The following CELF2 variants were observed in gnomAD, a reference collection of about 807,000 sequenced individuals.
CELF2 encodes CUGBP Elav-like family member 2.
A neutral mutation model predicts 62.6 loss-of-function variants in CELF2; 8 were observed. That is an observed-to-expected ratio of 0.13 (90% CI 0.07 to 0.23). CELF2 has a LOEUF of 0.23. CELF2 is among the 10% of genes least tolerant of loss of function. The pLI is 1.00. For synonymous variants in CELF2, 258 were observed against 250.0 expected (o/e 1.03, Z -0.30); for missense variants, 333 against 671.0 (o/e 0.50, Z 5.56).
the CELF2 span, among the ~76,000 whole-genome samples, chr10:10,650,623 G>A: frequency 6.6e-6 from 1 of 152,186 alleles, no homozygotes; most frequent in African/African-American, 2.4e-5. Flanking sequence ...GCACTGCAAT[G>A]AGATACAACT....
the CELF2 span, among the ~76,000 whole-genome samples, chr10:10,718,039 C>T: frequency 3.9e-5 from 6 of 152,128 alleles, no homozygotes; most frequent in Non-Finnish European, 8.8e-5. Context: ...TATATAACTT[C>T]GTCTTTGGTG....
At chr10:10,630,142 T>A in the CELF2 span, among the ~76,000 whole-genome samples, 1 of 152,300 alleles carries the variant, frequency 6.6e-6, no homozygotes, top group African/African-American at 2.4e-5. Flanking sequence ...TGCAATAATT[T>A]TCCTTTAACA....
At chr10:11,043,314 C>T (rs2062178122) in intron 1 of CELF2, among the ~76,000 whole-genome samples, 1 of 152,206 alleles carries the variant, frequency 6.6e-6, no homozygotes, top group Non-Finnish European at 1.5e-5. Flanking sequence ...CGTCACCATT[C>T]ACTGCAACAT....
the CELF2 span, among the ~76,000 whole-genome samples, chr10:10,525,396 T>C: frequency 6.6e-6 from 1 of 152,084 alleles, no homozygotes; most frequent in South Asian, 2.1e-4. Context: ...TCAGGTATAG[T>C]CAGTGTATTT....
In CELF2 at chr10:11,257,934, C is replaced by T. The variant is rs575044043; in HGVS notation, c.538+62C>T. The stretch of plus-strand genomic sequence containing the variant: ...GCTAATTGGAGCTCTGTGTCACAGT[C>T]GAGACAGATGTAGGCACCGCACACG... On this transcript the variant is annotated intron_variant, in intron 5 of 12. Coordinates refer to ENST00000633077, the MANE Select transcript of CELF2 (RefSeq NM_001326342.2). 1.2e-5 allele frequency: 19 copies of T among 1,591,732 alleles called. No homozygotes were observed. In the Admixed American group the frequency reaches 1.9e-4, roughly 16 times the overall value.
chr10:10,468,235 T>C, the CELF2 span, among the ~76,000 whole-genome samples: 1 of 151,994 alleles, frequency 6.6e-6, no homozygotes, highest in Non-Finnish European at 1.5e-5. Context: ...AATAAACAGA[T>C]ACTATCTTTC....
At chr10:10,978,041 G>GT (rs71511370) in intron 2 of CELF2, among the ~76,000 whole-genome samples, 38 of 144,050 alleles carry the variant, frequency 2.6e-4, no homozygotes, top group East Asian at 6.0e-4. Flanking sequence ...TTTGTTTTTT[G>GT]TTTTTTTTTT....
intron 5 of CELF2, among the ~76,000 whole-genome samples, chr10:11,264,552 G>C (rs969435444): frequency 2.0e-5 from 3 of 152,252 alleles, no homozygotes; most frequent in African/African-American, 7.2e-5. Flanking sequence ...AAGATAAGAA[G>C]TGGAAAAATA....
rs988714666 is a variant in CELF2 at position 10,934,634 on chromosome 10, C to T, written c.89+14635C>T. On this transcript the variant is annotated intron_variant, in intron 2 of 13. Coordinates refer to the CELF2 transcript ENST00000636488. This position sits in a 1 kb window ranked among gnomAD's most constrained non-coding sequence, Gnocchi z 4.4. ...TTTAGGAATGTCCTAGTATCATGAA[C>T]AAAAACTAGGGATGTCTGGAGGAAG... is the stretch of plus-strand genomic sequence containing the variant. 1 of 152,148 alleles carries T rather than the reference C, an allele frequency of 6.6e-6. No individual in the cohort carries two copies. 9.4% of individuals were successfully genotyped at this position (152,148 alleles called of 1,614,324 possible).
the CELF2 span, among the ~76,000 whole-genome samples, chr10:10,466,769 G>A: frequency 5.9e-5 from 9 of 152,090 alleles, no homozygotes; most frequent in Non-Finnish European, 1.2e-4. Flanking sequence ...GTATTAACTC[G>A]CTGTGGTTTT....
chr10:10,650,284 T>C, the CELF2 span, among the ~76,000 whole-genome samples: 1 of 152,222 alleles, frequency 6.6e-6, no homozygotes, highest in Admixed American at 6.5e-5. Context: ...GCATGCAAAG[T>C]GTAAGACATC....
the CELF2 span, chr10:10,789,052 T>TTGTC: frequency 6.6e-6 from 1 of 152,096 alleles, no homozygotes; most frequent in East Asian, 1.9e-4. Context: ...AATACGGGTG[T>TTGTC]TGTCGGGAGG....
Position 10,990,683 on chromosome 10 carries a change from GAT to G in CELF2, c.89+70686_89+70687del, listed in dbSNP as rs2053326973. On this transcript the variant is annotated intron_variant, in intron 2 of 13. Coordinates refer to the CELF2 transcript ENST00000636488. This position sits in a 1 kb window ranked among gnomAD's most constrained non-coding sequence, Gnocchi z 4.6. ...AAGATGCTAAATAAAGGCTAAAAAA[GAT>G]AATGATCTTCCAGAGATTTGTAGAT... 6.6e-6 allele frequency among the ~76,000 whole-genome samples: 1 copy of G among 152,230 alleles called. No individual in the cohort carries two copies. Among genetic ancestry groups the G allele is most frequent in the South Asian group, 2.1e-4 (1 of 4,822 alleles).
At chr10:10,898,272 T>A (rs2062702027) in intron 1 of CELF2, among the ~76,000 whole-genome samples, 1 of 151,956 alleles carries the variant, frequency 6.6e-6, no homozygotes, top group South Asian at 2.1e-4. Flanking sequence ...TTTATGTGAA[T>A]TATATGATGC....
chr10:11,263,031 C>G (rs2081189020), intron 5 of CELF2, among the ~76,000 whole-genome samples: 1 of 133,594 alleles, frequency 7.5e-6, no homozygotes, highest in Non-Finnish European at 1.5e-5. Context: ...GGTGGAACAC[C>G]TGAGTTAAGA....
chr10:11,018,003 C>T lies in CELF2; in HGVS notation c.-87C>T. On this transcript the variant is annotated 5_prime_UTR_variant, in exon 1 of 13. Coordinates refer to ENST00000633077, the MANE Select transcript of CELF2 (RefSeq NM_001326342.2). ...GGCCGCCGGGGGAGGCCGCGCGCAC[C>T]TGTCCCTGCCCGTCTCGCGCCGCCC... 1 of 1,026,536 alleles carries T rather than the reference C, an allele frequency of 9.7e-7. No individual in the cohort carries two copies. Among genetic ancestry groups the T allele is most frequent in the South Asian group, 4.4e-5 (1 of 22,704 alleles). The allele number at this position is 1,026,536 out of a possible 1,614,324, so 63.6% of individuals were successfully genotyped here.
At position 11,202,951 on chromosome 10, in the gene CELF2, C is replaced by CTGTGTG. The variant is rs3055302; in HGVS notation, c.272-14458_272-14453dup. ...TCTCTCTCTCTCTCTCTCTCTCTCT[C>CTGTGTG]TGTGTGTGTGTGTGTGTGTGTAATC... is the stretch of plus-strand genomic sequence containing the variant. On this transcript the variant is annotated intron_variant, in intron 2 of 12. Transcript: ENST00000633077. 1.3e-4 allele frequency among the ~76,000 whole-genome samples: 7 copies of CTGTGTG among 53,882 alleles called. No homozygotes were observed. In the East Asian group the frequency reaches 1.5e-3, roughly 11 times the overall value. The allele number at this position is 53,882 out of a possible 152,430, so 35.3% of individuals were successfully genotyped here.
intron 2 of CELF2, among the ~76,000 whole-genome samples, chr10:10,939,159 TAACCCCATCACCTAGGCTGTAGTGC>T (rs1334743658): frequency 3.3e-4 from 40 of 122,612 alleles, no homozygotes; most frequent in Middle Eastern, 4.1e-3. Flanking sequence ...GCCGCTATTG[TAACCCCATCACCTAGGCTGTAGTGC>T]TTGATAATTA....
Position 10,974,650 on chromosome 10 carries a change from C to T in CELF2, c.89+54651C>T, listed in dbSNP as rs201087. Among the ~76,000 whole-genome samples the T allele has an allele frequency of 8.2e-3, 1,242 of 152,282 alleles. 18 individuals are homozygous for T. The highest frequency in any genetic ancestry group is 0.028 in the African/African-American group (1,164 of 41,550). Reference sequence around the variant, plus strand: ...TTCACTAAGCCATCCCCTCTGGTTACGTGATTATGTATAGCAATTTACTAT... The same window carrying T: ...TTCACTAAGCCATCCCCTCTGGTTATGTGATTATGTATAGCAATTTACTAT... On this transcript the variant is annotated intron_variant, in intron 2 of 13. Transcript: ENST00000636488.
Sources: gnomAD v4.1 joint callset for allele counts (sites outside exome capture counted in the v4.1 genomes callset) on GRCh38, gnomAD v4.1.1 for gene constraint, Gnocchi (gnomAD v3.1) non-coding constraint, MANE v1.5 for transcripts, NCBI Gene and HGNC (gene_info 2026-07-23, HGNC 2026-07-21) for gene names.